GALNT1: variants seen among roughly 807,000 people sequenced by gnomAD.
GALNT1 encodes GalNAc transferase 1.
Under a neutral mutation model 65.7 loss-of-function variants are expected in GALNT1, and 17 were observed. That is an observed-to-expected ratio of 0.26 (90% CI 0.18 to 0.39). GALNT1 has a LOEUF of 0.39. GALNT1 is among the 10% of genes least tolerant of loss of function. GALNT1 has a pLI of 1.00. For synonymous variants in GALNT1, 210 were observed against 219.7 expected (o/e 0.96, Z 0.39); for missense variants, 460 against 672.8 (o/e 0.68, Z 3.50).
intron 1 of GALNT1, among the ~76,000 whole-genome samples, chr18:35,640,803 C>T (rs2047150920): frequency 6.6e-6 from 1 of 152,218 alleles, no homozygotes; most frequent in African/African-American, 2.4e-5. Context: ...TGGTATTACA[C>T]TCCTTTAGAG....
chr18:35,610,807 G>A (rs2046707003), intron 1 of GALNT1, among the ~76,000 whole-genome samples: 1 of 152,138 alleles, frequency 6.6e-6, no homozygotes, highest in Admixed American at 6.5e-5. Flanking sequence ...AACAAAAAAA[G>A]TGAGAAGTGT....
chr18:35,690,534 T>G (rs1329600857), intron 7 of GALNT1, among the ~76,000 whole-genome samples: 1 of 152,222 alleles, frequency 6.6e-6, no homozygotes, highest in African/African-American at 2.4e-5. Flanking sequence ...TTTGAATTTA[T>G]GATTCTCTTA....
chr18:35,614,256 C>CA (rs1434137982), intron 1 of GALNT1, among the ~76,000 whole-genome samples: 2 of 152,090 alleles, frequency 1.3e-5, no homozygotes, highest in African/African-American at 4.8e-5. Flanking sequence ...GGATATTGAA[C>CA]AAAGGGTTTA....
rs566213919 is a variant in GALNT1 at position 35,594,697 on chromosome 18, C to T, written c.-104+12835C>T. The stretch of plus-strand genomic sequence containing the variant: ...TGACTTCTGTGTTGGAAGCTGAGCA[C>T]ATTAAACTAGAAGGCTGGTTAAGTG... On this transcript the variant is annotated intron_variant, in intron 1 of 11. Transcript: ENST00000269195. 9.2e-5 allele frequency among the ~76,000 whole-genome samples: 14 copies of T among 152,282 alleles called. No individual in the cohort carries two copies. In the South Asian group the frequency reaches 2.9e-3, roughly 32 times the overall value.
chr18:35,696,089 G>A (rs2048051663), intron 9 of GALNT1, among the ~76,000 whole-genome samples: 1 of 152,164 alleles, frequency 6.6e-6, no homozygotes, highest in Admixed American at 6.5e-5. Flanking sequence ...ACCCTCTGTG[G>A]CCTGCTTGTT....
At chr18:35,591,551 T>A (rs1412495527) in intron 1 of GALNT1, among the ~76,000 whole-genome samples, 2 of 152,244 alleles carry the variant, frequency 1.3e-5, no homozygotes, top group Admixed American at 6.5e-5. Context: ...TGTGTCAGTC[T>A]GGCTCCACAG....
intron 3 of GALNT1, 34 bp from the exon 4 acceptor site, chr18:35,677,553 ACAGT>A (rs753757588): frequency 2.9e-4 from 453 of 1,555,474 alleles, no homozygotes; most frequent in Non-Finnish European, 3.5e-4. Context: ...TGCAATCTTA[ACAGT>A]CACTTTTTAT....
chr18:35,635,482 A>G (rs948584129), intron 1 of GALNT1, among the ~76,000 whole-genome samples: 1 of 152,200 alleles, frequency 6.6e-6, no homozygotes, highest in African/African-American at 2.4e-5. Context: ...GACTGTTAAC[A>G]ATCCAGGAAC....
In GALNT1 at chr18:35,710,104, G is replaced by A. The variant is rs1261778415; in HGVS notation, c.*334G>A. On this transcript the variant is annotated 3_prime_UTR_variant, in exon 12 of 12. Coordinates refer to ENST00000269195, the MANE Select transcript of GALNT1 (RefSeq NM_020474.4). ...CTTTCTGGAGAACTGTACCTTTTAT[G>A]GTTTGCTTGCACATCAGTAGTTTCT... 5.1e-6 allele frequency: 1 copy of A among 195,748 alleles called. No homozygotes were observed. Among genetic ancestry groups the A allele is most frequent in the Non-Finnish European group, 1.1e-5 (1 of 94,210 alleles). 12.1% of individuals were successfully genotyped at this position (195,748 alleles called of 1,614,324 possible). A position where few individuals can be genotyped will look rare whatever the true frequency, so the allele number is the denominator to read the frequency against.
In GALNT1 at chr18:35,689,203, A is replaced by G. The variant is rs750793688; in HGVS notation, c.891A>G (p.Ser297=). 6.2e-7 allele frequency: 1 copy of G among 1,612,550 alleles called. No individual in the cohort carries two copies. The highest frequency in any genetic ancestry group is 1.3e-5 in the African/African-American group (1 of 74,854). The part of the protein sequence containing the change: ...RTPTMAGGLF[S]IDRDYFQEIG... ...CTACCATGGCAGGAGGCCTTTTTTC[A>G]ATAGACAGAGATTACTTTCAGGAAA... The change falls in exon 7 of 12, where the codon TCA becomes TCG. Residue 297 remains serine, a synonymous_variant. Coordinates refer to ENST00000269195, the MANE Select transcript of GALNT1 (RefSeq NM_020474.4).
At position 35,589,788 on chromosome 18, in the gene GALNT1, C is replaced by A. The variant is rs1032233326; in HGVS notation, c.-104+7926C>A. Among the ~76,000 whole-genome samples, 4 of 152,318 alleles carry A rather than the reference C, an allele frequency of 2.6e-5. No individual in the cohort carries two copies. The East Asian group carries it at 5.8e-4, about 22-fold the overall frequency. The stretch of plus-strand genomic sequence containing the variant: ...GAAGGATCAGTTTGTAACATTTCTT[C>A]TTTTCATGGGCTGATGTTTTCCTAA... On this transcript the variant is annotated intron_variant, in intron 1 of 11. Transcript: ENST00000269195.
At position 35,687,093 on chromosome 18, in the gene GALNT1, A is replaced by T. The variant is rs1490449464; in HGVS notation, c.767A>T (p.Tyr256Phe). ...FEYMAGSDMT[Y>F]GGFNWKLNFR... ...TACATGGCAGGCTCTGATATGACCTATGGTGGGTTCAACTGGAAGCTCAAT... is the reference window on the plus strand; with the variant it reads ...TACATGGCAGGCTCTGATATGACCTTTGGTGGGTTCAACTGGAAGCTCAAT... The change falls in exon 6 of 12, where the codon TAT (tyrosine) becomes TTT (phenylalanine). Residue 256 changes from tyrosine to phenylalanine, a missense_variant. Physicochemically the swap from Tyr to Phe is conservative, Grantham distance 22 (BLOSUM62 3). Coordinates refer to ENST00000269195, the MANE Select transcript of GALNT1 (RefSeq NM_020474.4). 6.2e-7 allele frequency: 1 copy of T among 1,613,950 alleles called. No homozygotes were observed. The highest frequency in any genetic ancestry group is 8.5e-7 in the Non-Finnish European group (1 of 1,179,874).
chr18:35,625,112 C>T (rs2046899617), intron 1 of GALNT1, among the ~76,000 whole-genome samples: 1 of 152,216 alleles, frequency 6.6e-6, no homozygotes, highest in Non-Finnish European at 1.5e-5. Context: ...TTTCTGCTCT[C>T]TTCAGACATT....
chr18:35,694,864 C>CT (rs879575463), intron 9 of GALNT1, among the ~76,000 whole-genome samples: 2 of 152,138 alleles, frequency 1.3e-5, no homozygotes, highest in Non-Finnish European at 1.5e-5. Context: ...CTGATACATG[C>CT]TACAACATGG....
intron 1 of GALNT1, among the ~76,000 whole-genome samples, chr18:35,602,585 A>G (rs1057064256): frequency 2.0e-4 from 31 of 152,106 alleles, no homozygotes; most frequent in Admixed American, 1.7e-3. Flanking sequence ...GTATTTTCCA[A>G]TATCCTGTCT....
rs1186283377 is a variant in GALNT1, at chr18:35,660,580, CTCATT to C, written c.140-3044_140-3040del. Among the ~76,000 whole-genome samples the C allele has an allele frequency of 5.3e-5, 8 of 152,228 alleles. No homozygotes were observed. In the East Asian group the frequency reaches 5.8e-4, roughly 11 times the overall value. ...TTTAGTTCATGAAATGACATCCAAA[CTCATT>C]TCAGTTTCTTTCTAATAAAATTTTC... On this transcript the variant is annotated intron_variant, in intron 2 of 11. Transcript: ENST00000269195.
chr18:35,631,993 G>C (rs1476535296), intron 1 of GALNT1, among the ~76,000 whole-genome samples: 1 of 152,074 alleles, frequency 6.6e-6, no homozygotes, highest in African/African-American at 2.4e-5. Context: ...AACTTACAAG[G>C]GATGTGAAGG....
chr18:35,643,328 A>C (rs766527450), intron 1 of GALNT1, among the ~76,000 whole-genome samples: 1 of 152,128 alleles, frequency 6.6e-6, no homozygotes, highest in Non-Finnish European at 1.5e-5. Flanking sequence ...GCATATTATT[A>C]CCTGTTAAAA....
chr18:35,704,214 T>C (rs2048215308), intron 11 of GALNT1, among the ~76,000 whole-genome samples: 1 of 152,250 alleles, frequency 6.6e-6, no homozygotes, highest in East Asian at 1.9e-4. Flanking sequence ...TTTTGCCAGG[T>C]TCTGGAACCA....
Sources: allele counts gnomAD v4.1 joint callset (sites outside exome capture counted in the v4.1 genomes callset), GRCh38; gene constraint gnomAD v4.1.1; transcripts MANE v1.5; gene names NCBI Gene and HGNC (gene_info 2026-07-23, HGNC 2026-07-21).